The following CSMD1 variants were observed in gnomAD, a reference collection of about 807,000 sequenced individuals.
CSMD1 encodes the protein CUB and Sushi multiple domains 1, also known as CUB and sushi domain-containing protein 1.
CSMD1 carries 213 observed loss-of-function variants against 417.5 expected under a neutral mutation model. That is an observed-to-expected ratio of 0.51 (90% confidence interval 0.46 to 0.57). CSMD1 has a LOEUF of 0.57. CSMD1 is among the 20% of genes least tolerant of loss of function. The probability of loss-of-function intolerance (pLI) is 0.00; values close to 1 mark genes in which losing one functional copy is unlikely to be tolerated. For missense variants in CSMD1, 6,923 were observed against 4,529.7 expected (o/e 1.53, Z -15.17); for synonymous variants, 2,862 against 1,736.8 (o/e 1.65, Z -16.11).
intron 50 of CSMD1, among the ~76,000 whole-genome samples, chr8:3,052,004 G>C (rs1244903832): frequency 6.6e-6 from 1 of 152,196 alleles, no homozygotes; most frequent in East Asian, 1.9e-4. Flanking sequence ...GCATCGATGT[G>C]TTATGCAGAG....
chr8:3,322,930 C>T (rs1806250265), intron 23 of CSMD1, among the ~76,000 whole-genome samples: 1 of 151,926 alleles, frequency 6.6e-6, no homozygotes, highest in South Asian at 2.1e-4. Flanking sequence ...TTGTTTTTTG[C>T]TTTTTTTTGT....
At chr8:4,116,130 T>C (rs1428691524) in intron 3 of CSMD1, among the ~76,000 whole-genome samples, 2 of 151,812 alleles carry the variant, frequency 1.3e-5, no homozygotes, top group African/African-American at 4.8e-5. Context: ...GTAGCTGGGA[T>C]TTACAGGCGC....
chr8:3,766,422 C>T (rs1461776238), intron 5 of CSMD1, among the ~76,000 whole-genome samples: 1 of 152,184 alleles, frequency 6.6e-6, no homozygotes, highest in Admixed American at 6.5e-5. Flanking sequence ...TATCCAATGT[C>T]CTGGTACCTG....
chr8:3,505,309 A>G (rs1796778267), intron 10 of CSMD1, among the ~76,000 whole-genome samples: 1 of 152,220 alleles, frequency 6.6e-6, no homozygotes, highest in East Asian at 1.9e-4. Context: ...GTGTGGAGTG[A>G]CCGCTGAAAC....
chr8:4,095,380 A>C (rs1263527039), intron 3 of CSMD1, among the ~76,000 whole-genome samples: 1 of 148,074 alleles, frequency 6.8e-6, no homozygotes, highest in Admixed American at 6.6e-5. Context: ...TAGAAACTAA[A>C]ACAAACAAAA....
chr8:4,781,444 C>T (rs1797147816), intron 1 of CSMD1, among the ~76,000 whole-genome samples: 1 of 152,172 alleles, frequency 6.6e-6, no homozygotes, highest in African/African-American at 2.4e-5. Context: ...AACTGACCGT[C>T]ATCTTATCTG....
intron 5 of CSMD1, among the ~76,000 whole-genome samples, chr8:3,923,166 G>C (rs567700819): frequency 1.5e-4 from 23 of 152,216 alleles, no homozygotes; most frequent in African/African-American, 5.5e-4. Context: ...AGCTTCATGA[G>C]ACCTCTCCTC....
intron 5 of CSMD1, among the ~76,000 whole-genome samples, chr8:3,811,249 G>C (rs747424141): frequency 2.0e-5 from 3 of 152,164 alleles, no homozygotes; most frequent in Non-Finnish European, 2.9e-5. Context: ...AGTTAATTAT[G>C]AAACTTAGAG....
intron 50 of CSMD1, among the ~76,000 whole-genome samples, chr8:3,042,891 A>T (rs1747177892): frequency 6.6e-6 from 1 of 152,090 alleles, no homozygotes; most frequent in South Asian, 2.1e-4. Flanking sequence ...AATATAGTAT[A>T]TGGAAACCTA....
At chr8:4,147,146 ATTC>A (rs970080714) in intron 3 of CSMD1, among the ~76,000 whole-genome samples, 1 of 151,478 alleles carries the variant, frequency 6.6e-6, no homozygotes, top group African/African-American at 2.4e-5. Context: ...CCCTCACATG[ATTC>A]TTCTTCTACT....
At chr8:4,386,562 G>C (rs188513881) in intron 3 of CSMD1, among the ~76,000 whole-genome samples, 76 of 152,296 alleles carry the variant, frequency 5.0e-4, no homozygotes, top group African/African-American at 1.8e-3. Flanking sequence ...AAATAAGTAA[G>C]ACCTATAAGA....
chr8:4,130,886 T>C (rs926898303), intron 3 of CSMD1, among the ~76,000 whole-genome samples: 1 of 151,816 alleles, frequency 6.6e-6, no homozygotes, highest in Non-Finnish European at 1.5e-5. Context: ...TATGCTGAGA[T>C]AGGTAGAACA....
rs974304160 is a variant in CSMD1 at position 4,076,502 on chromosome 8, G to A, written c.416-44403C>T. ...TGTTTTTGAATTCATTACTAGAAATGTAAGTATATATGAACAAATAGAGCC... is the reference window on the plus strand; with the variant it reads ...TGTTTTTGAATTCATTACTAGAAATATAAGTATATATGAACAAATAGAGCC... On this transcript the variant is annotated intron_variant, in intron 3 of 69. Transcript: ENST00000635120. 7.2e-5 allele frequency among the ~76,000 whole-genome samples: 11 copies of A among 152,254 alleles called. No homozygotes were observed. In the South Asian group the frequency reaches 8.3e-4, roughly 12 times the overall value.
At chr8:3,187,292 G>T (rs1158565733) in intron 36 of CSMD1, among the ~76,000 whole-genome samples, 1 of 152,168 alleles carries the variant, frequency 6.6e-6, no homozygotes, top group Non-Finnish European at 1.5e-5. Flanking sequence ...AAGCAAAATT[G>T]AGATTGAATG....
intron 1 of CSMD1, 137 bp downstream of exon 1, chr8:4,994,195 C>G: frequency 1.4e-6 from 1 of 722,230 alleles, no homozygotes; most frequent in South Asian, 1.8e-5. Context: ...TCGCGTTCCC[C>G]GAGCTTCGGC....
At chr8:3,823,290 C>T (rs1375858480) in intron 5 of CSMD1, among the ~76,000 whole-genome samples, 3 of 152,262 alleles carry the variant, frequency 2.0e-5, no homozygotes, top group East Asian at 1.9e-4. Flanking sequence ...TGTCTGGAAT[C>T]GCTTCCTCCT....
chr8:4,192,811 C>T (rs79262743), intron 3 of CSMD1, among the ~76,000 whole-genome samples: 3 of 152,204 alleles, frequency 2.0e-5, no homozygotes, highest in Non-Finnish European at 4.4e-5. Context: ...CCTCCTCACT[C>T]ATTACTTGTG....
intron 3 of CSMD1, among the ~76,000 whole-genome samples, chr8:4,347,009 A>G (rs750406463): frequency 1.3e-5 from 2 of 152,160 alleles, no homozygotes; most frequent in South Asian, 4.1e-4. Flanking sequence ...GGGCTCCAGG[A>G]TACTTAAAGT....
chr8:3,646,580 G>A (rs1797581464), intron 7 of CSMD1, among the ~76,000 whole-genome samples: 1 of 152,202 alleles, frequency 6.6e-6, no homozygotes, highest in Admixed American at 6.5e-5. Context: ...CTGATTCTCA[G>A]TAGGACCGCC....
Sources: gnomAD v4.1 joint callset for allele counts (sites outside exome capture counted in the v4.1 genomes callset) on GRCh38, gnomAD v4.1.1 for gene constraint, MANE v1.5 for transcripts, NCBI Gene and HGNC (gene_info 2026-07-23, HGNC 2026-07-21) for gene names.